Variants in MPDZ observed in about 807,000 individuals in gnomAD.
MPDZ encodes multiple PDZ domain crumbs cell polarity complex component.
In MPDZ, 234 loss-of-function variants were observed where a neutral mutation model predicts 239.1. The observed-to-expected ratio is 0.98, with a 90% CI of 0.88 to 1.09. MPDZ has a LOEUF of 1.09. Among genes scored for constraint, MPDZ ranks in the 50% least tolerant of loss-of-function variants. MPDZ has a pLI of 0.00. For missense variants in MPDZ, 3,175 were observed against 2,510.0 expected, an observed-to-expected ratio of 1.26 and a Z score of -5.66; for synonymous variants, 1,048 against 881.3, an observed-to-expected ratio of 1.19 and a Z score of -3.35.
At chr9:13,220,932 C>A (rs1162103288) in intron 7 of MPDZ, among the ~76,000 whole-genome samples, 1 of 151,922 alleles carries the variant, frequency 6.6e-6, no homozygotes, top group Non-Finnish European at 1.5e-5. Context: ...GTGTTTCATA[C>A]ACAAAGATGA....
At position 13,217,203 on chromosome 9, in the gene MPDZ, C is replaced by A; in HGVS notation, c.1178G>T (p.Gly393Val). 1.9e-6 allele frequency: 3 copies of A among 1,593,810 alleles called. No homozygotes were observed. The highest frequency in any genetic ancestry group is 2.6e-6 in the Non-Finnish European group (3 of 1,170,840). The change falls in exon 9 of 47, where the codon GGC becomes GTC. Residue 393 changes from glycine (G) to valine (V), a missense_variant. By Grantham distance (109) the Gly-to-Val change is moderately radical. Transcript: ENST00000319217. ...NVQGLGITIA[G>V]YIGDKKLEPS... ...ACCCAATTTTTTATCTCCAATGTAG[C>A]CAGCAATGGTAATTCCTAATCCTTG...
chr9:13,237,826 A>G (rs1964464715), intron 3 of MPDZ, among the ~76,000 whole-genome samples: 1 of 152,196 alleles, frequency 6.6e-6, no homozygotes, highest in South Asian at 2.1e-4. Flanking sequence ...AACTGATATC[A>G]GCAAGTATAA....
In MPDZ at chr9:13,126,675, C is replaced by A. The variant is rs375292259; in HGVS notation, c.4557+5G>T. 5 of 1,613,474 alleles carry A rather than the reference C, an allele frequency of 3.1e-6. No individual in the cohort carries two copies. Among genetic ancestry groups the A allele is most frequent in the Middle Eastern group, 1.7e-4 (1 of 6,060 alleles). On this transcript the variant is annotated splice_donor_5th_base_variant and intron_variant, in intron 33 of 46. Coordinates refer to ENST00000319217, the MANE Select transcript of MPDZ (RefSeq NM_001378778.1). ...CTTAATGACAGCAAGAAAGGTAAAC[C>A]TCACCGTGGCTGCTACCCCATGCTC...
chr9:13,237,477 G>C (rs1266309614), intron 3 of MPDZ, among the ~76,000 whole-genome samples: 1 of 140,768 alleles, frequency 7.1e-6, no homozygotes. Context: ...AAAATGGTAA[G>C]TACAAAGTGT....
At chr9:13,189,668 A>G (rs374535964) in intron 16 of MPDZ, among the ~76,000 whole-genome samples, 2 of 152,304 alleles carry the variant, frequency 1.3e-5, no homozygotes, top group East Asian at 3.9e-4. Context: ...ACAAAGGCCA[A>G]CTTGACCAAT....
chr9:13,146,457 A>C lies in MPDZ; in HGVS notation c.3741+1091T>G. ...TTCTTAACTTTACAAGTTAAAATTA[A>C]ATATATTTTGCAGATAAAATTAAAT... is the stretch of plus-strand genomic sequence containing the variant. On this transcript the variant is annotated intron_variant, in intron 26 of 46. Transcript: ENST00000319217. Among the ~76,000 whole-genome samples, 3 of 152,196 alleles carry C rather than the reference A, an allele frequency of 2.0e-5. 1 individual carries two copies. The Middle Eastern group carries it at 0.01, about 518-fold the overall frequency.
chr9:13,139,813 C>T (rs1947369151), intron 28 of MPDZ, 174 bp downstream of exon 28: 1 of 736,684 alleles, frequency 1.4e-6, no homozygotes, highest in African/African-American at 1.7e-5. Context: ...TGATTTCATG[C>T]CTCAGGAATG....
chr9:13,159,989 T>C (rs2067118156), intron 23 of MPDZ, among the ~76,000 whole-genome samples: 1 of 152,170 alleles, frequency 6.6e-6, no homozygotes, highest in East Asian at 1.9e-4. Flanking sequence ...TAAGTAGATC[T>C]CTTTATATCT....
In MPDZ at chr9:13,205,931, C is replaced by G. The variant is rs1347914159; in HGVS notation, c.1459G>C (p.Ala487Pro). 6.2e-7 allele frequency: 1 copy of G among 1,601,938 alleles called. No individual in the cohort carries two copies. The highest frequency in any genetic ancestry group is 1.7e-5 in the Admixed American group (1 of 58,340). The part of the protein sequence containing the change: ...TKDADLSPVN[A>P]SIIKENYEKD... ...ATAGGATTACCTTTGATTATGCTGG[C>G]ATTAACAGGAGACAAATCTGCATCT... is the stretch of plus-strand genomic sequence containing the variant. The change falls in exon 11 of 47, where the codon GCC becomes CCC. Residue 487 changes from alanine (A) to proline (P), a missense_variant. By Grantham distance (27) the Ala-to-Pro change is conservative (BLOSUM62 -1). Coordinates refer to ENST00000319217, the MANE Select transcript of MPDZ (RefSeq NM_001378778.1).
intron 21 of MPDZ, among the ~76,000 whole-genome samples, chr9:13,169,289 CT>C (rs1951486982): frequency 1.3e-5 from 2 of 152,104 alleles, no homozygotes; most frequent in Non-Finnish European, 2.9e-5. Context: ...GAAATGCAAT[CT>C]TAGCATGTAT....
At chr9:13,247,488 G>C in intron 3 of MPDZ, 147 bp downstream of exon 3, 1 of 796,256 alleles carries the variant, frequency 1.3e-6, no homozygotes, top group Non-Finnish European at 1.9e-6. Context: ...AAAAGCCACA[G>C]TGAATCTGAA....
chr9:13,196,985 A>G (rs576022807), intron 12 of MPDZ, among the ~76,000 whole-genome samples: 1 of 151,968 alleles, frequency 6.6e-6, no homozygotes, highest in South Asian at 2.1e-4. Flanking sequence ...TATCCTTTTT[A>G]GCATTCAAAT....
intron 10 of MPDZ, among the ~76,000 whole-genome samples, chr9:13,207,058 G>C (rs1957083228): frequency 2.0e-5 from 3 of 152,058 alleles, no homozygotes; most frequent in Non-Finnish European, 4.4e-5. Flanking sequence ...AACTATGCAG[G>C]ATTAAAAGGT....
At chr9:13,183,655 G>C (rs1953695523) in intron 18 of MPDZ, 70 bp from the exon 19 acceptor site, 2 of 1,475,088 alleles carry the variant, frequency 1.4e-6, no homozygotes, top group Non-Finnish European at 1.9e-6. Flanking sequence ...ATCTCCACTT[G>C]AGACTAAAAG....
chr9:13,121,423 G>A (rs896377160), intron 38 of MPDZ, among the ~76,000 whole-genome samples: 2 of 152,152 alleles, frequency 1.3e-5, no homozygotes, highest in Admixed American at 6.5e-5. Context: ...TTCACCAGAC[G>A]ATGAGTTTTT....
chr9:13,206,222 TA>T, intron 10 of MPDZ, 123 bp from the exon 11 acceptor site: 1 of 899,144 alleles, frequency 1.1e-6, no homozygotes, highest in Non-Finnish European at 1.6e-6. Context: ...GTATTCACCT[TA>T]TCAGGGAATT....
At chr9:13,249,940 C>G (rs897657277) in intron 2 of MPDZ, among the ~76,000 whole-genome samples, 1 of 152,134 alleles carries the variant, frequency 6.6e-6, no homozygotes, top group Admixed American at 6.6e-5. Context: ...AAAGTAATAT[C>G]TTCTTTCAGT....
At chr9:13,237,616 T>C (rs1346348959) in intron 3 of MPDZ, among the ~76,000 whole-genome samples, 2 of 151,792 alleles carry the variant, frequency 1.3e-5, no homozygotes, top group Non-Finnish European at 2.9e-5. Flanking sequence ...CAAACTATGA[T>C]TATATAGACT....
chr9:13,125,464 A>G, intron 34 of MPDZ, 74 bp from the exon 35 acceptor site: 1 of 1,319,486 alleles, frequency 7.6e-7, no homozygotes, highest in Non-Finnish European at 1.1e-6. Flanking sequence ...AGTCACCATT[A>G]TCAATGGAAT....
Sources: gnomAD v4.1 joint callset for allele counts (sites outside exome capture counted in the v4.1 genomes callset) on GRCh38, gnomAD v4.1.1 for gene constraint, MANE v1.5 for transcripts, NCBI Gene and HGNC (gene_info 2026-07-23, HGNC 2026-07-21) for gene names.